The following GABRG3 variants were observed in gnomAD, a reference collection of about 807,000 sequenced individuals.
GABRG3 encodes the protein gamma-aminobutyric acid receptor subunit gamma-3.
In GABRG3, 25 loss-of-function variants were observed where a neutral mutation model predicts 48.8. The observed-to-expected ratio is 0.51, with a 90% CI of 0.37 to 0.72. The LOEUF is 0.72. GABRG3 is among the 30% of genes least tolerant of loss of function. GABRG3 has a pLI of 0.00. For synonymous variants in GABRG3, 227 were observed against 217.6 expected (o/e 1.04, Z -0.38); for missense variants, 394 against 577.9 (o/e 0.68, Z 3.26).
rs917342434 is a variant in GABRG3 at position 27,540,423 on chromosome 15, T to C, written c.*7542T>C. ...TCAAAAAGACAATCACTGTGCTTCT[T>C]ATCATCTAATTTGAGTCTAGGCTTT... On this transcript the variant is annotated 3_prime_UTR_variant, in exon 10 of 10. Coordinates refer to ENST00000615808, the MANE Select transcript of GABRG3 (RefSeq NM_033223.5). 3 of 152,246 alleles carry C rather than the reference T, an allele frequency of 2.0e-5. No homozygotes were observed. Among genetic ancestry groups the C allele is most frequent in the East Asian group, 3.8e-4 (2 of 5,202 alleles). 9.4% of individuals were successfully genotyped at this position (152,246 alleles called of 1,614,324 possible). A position where few individuals can be genotyped will look rare whatever the true frequency, so the allele number is the denominator to read the frequency against.
chr15:27,165,791 G>A (rs1399410040), intron 3 of GABRG3, among the ~76,000 whole-genome samples: 1 of 152,144 alleles, frequency 6.6e-6, no homozygotes, highest in Non-Finnish European at 1.5e-5. Flanking sequence ...GCTATTGACA[G>A]TGAGATGGTA....
intron 4 of GABRG3, among the ~76,000 whole-genome samples, 158 bp downstream of exon 4, chr15:27,327,187 G>T (rs1213383419): frequency 6.6e-6 from 1 of 152,170 alleles, no homozygotes; most frequent in Non-Finnish European, 1.5e-5. Flanking sequence ...CATGCAACAT[G>T]TGTAAAAATA....
chr15:27,202,761 T>G (rs959197439), intron 3 of GABRG3, among the ~76,000 whole-genome samples: 5 of 152,212 alleles, frequency 3.3e-5, no homozygotes, highest in Admixed American at 3.3e-4. Context: ...TTTATATGGT[T>G]TTATTATCAA....
intron 3 of GABRG3, among the ~76,000 whole-genome samples, chr15:27,260,484 C>T (rs1890737098): frequency 6.6e-6 from 1 of 152,114 alleles, no homozygotes; most frequent in African/African-American, 2.4e-5. Flanking sequence ...CACCTGTAAA[C>T]AGTAGGTCTT....
At chr15:27,369,218 G>C (rs1265494452) in intron 5 of GABRG3, among the ~76,000 whole-genome samples, 1 of 152,164 alleles carries the variant, frequency 6.6e-6, no homozygotes, top group Non-Finnish European at 1.5e-5. Context: ...GTGCTAGCTA[G>C]CAGAAAGTTC....
At chr15:27,133,059 C>T (rs1372442572) in intron 3 of GABRG3, among the ~76,000 whole-genome samples, 1 of 151,600 alleles carries the variant, frequency 6.6e-6, no homozygotes, top group Non-Finnish European at 1.5e-5. Context: ...TTTTCTAGGA[C>T]CTGTTGGTTG....
intron 3 of GABRG3, chr15:27,027,087 G>A (rs1290880050): frequency 1.2e-5 from 4 of 340,708 alleles, no homozygotes; most frequent in African/African-American, 4.2e-5. Context: ...GAAAGGATTC[G>A]AGATCACTCA....
intron 2 of GABRG3, among the ~76,000 whole-genome samples, chr15:27,005,983 C>T (rs983272815): frequency 2.6e-5 from 4 of 152,122 alleles, no homozygotes; most frequent in African/African-American, 7.2e-5. Flanking sequence ...ATCTTACCAG[C>T]CTTTTACCAG....
At chr15:27,322,040 C>T (rs1459756352) in intron 3 of GABRG3, among the ~76,000 whole-genome samples, 1 of 152,196 alleles carries the variant, frequency 6.6e-6, no homozygotes, top group Admixed American at 6.5e-5. Context: ...ACATTAATTT[C>T]ATAGCATTAA....
intron 6 of GABRG3, among the ~76,000 whole-genome samples, chr15:27,517,701 C>T (rs75362780): frequency 0.076 from 11,521 of 152,050 alleles, 1,475 homozygotes; most frequent in African/African-American, 0.26. Context: ...TGGTTTATTC[C>T]TCTAGGGTTT....
At chr15:27,202,109 T>C (rs1308417923) in intron 3 of GABRG3, among the ~76,000 whole-genome samples, 1 of 152,232 alleles carries the variant, frequency 6.6e-6, no homozygotes, top group African/African-American at 2.4e-5. Context: ...TCTAACTTTT[T>C]GTCTTCTCCA....
rs1401790984 is a variant in GABRG3 at position 27,540,656 on chromosome 15, G to A, written c.*7775G>A. ...GTGAACCAAGTTTACCTGCTCACAC[G>A]TTTGTACAACTACACAATGTGTTTT... is the stretch of plus-strand genomic sequence containing the variant. On this transcript the variant is annotated 3_prime_UTR_variant, in exon 10 of 10. Transcript: ENST00000615808. The A allele has an allele frequency of 2.0e-5, 3 of 152,194 alleles. No homozygotes were observed. The highest frequency in any genetic ancestry group is 7.2e-5 in the African/African-American group (3 of 41,446). 9.4% of individuals were successfully genotyped at this position (152,194 alleles called of 1,614,324 possible).
chr15:27,338,229 G>T (rs1894042031), intron 5 of GABRG3, among the ~76,000 whole-genome samples: 1 of 152,130 alleles, frequency 6.6e-6, no homozygotes, highest in Admixed American at 6.5e-5. Context: ...CGCATCACCT[G>T]CTGCTTTTGA....
At chr15:27,020,100 T>C (rs1280602124) in intron 2 of GABRG3, among the ~76,000 whole-genome samples, 2 of 152,146 alleles carry the variant, frequency 1.3e-5, no homozygotes, top group Non-Finnish European at 2.9e-5. Context: ...GTTTTCAGCC[T>C]CTCTTCCACG....
chr15:27,459,000 C>T (rs1323255811), intron 5 of GABRG3, among the ~76,000 whole-genome samples: 1 of 152,232 alleles, frequency 6.6e-6, no homozygotes, highest in Non-Finnish European at 1.5e-5. Flanking sequence ...CTCGATTCTT[C>T]CAACACCCTT....
intron 6 of GABRG3, among the ~76,000 whole-genome samples, chr15:27,495,219 AT>A (rs1478883000): frequency 6.6e-6 from 1 of 152,084 alleles, no homozygotes; most frequent in Admixed American, 6.5e-5. Flanking sequence ...ATCATACAGT[AT>A]TTGTCCCTTT....
At chr15:27,329,307 A>G (rs2140520370) in intron 5 of GABRG3, among the ~76,000 whole-genome samples, 1 of 152,258 alleles carries the variant, frequency 6.6e-6, no homozygotes, top group East Asian at 1.9e-4. Context: ...CTCGTCGCCC[A>G]GGCTGGAGTG....
At chr15:27,155,217 A>C (rs1898396726) in intron 3 of GABRG3, among the ~76,000 whole-genome samples, 1 of 152,154 alleles carries the variant, frequency 6.6e-6, no homozygotes, top group Non-Finnish European at 1.5e-5. Context: ...CAAATTTTTT[A>C]GTGCTAAGAT....
At chr15:27,086,930 G>A (rs1428472166) in intron 3 of GABRG3, among the ~76,000 whole-genome samples, 1 of 152,234 alleles carries the variant, frequency 6.6e-6, no homozygotes, top group East Asian at 1.9e-4. Context: ...CAAGGGCAGG[G>A]ACAGGGAAAG....
Sources: allele counts gnomAD v4.1 joint callset (sites outside exome capture counted in the v4.1 genomes callset), GRCh38; gene constraint gnomAD v4.1.1; transcripts MANE v1.5; gene names NCBI Gene and HGNC (gene_info 2026-07-23, HGNC 2026-07-21).